Variants in KDM4C observed in about 807,000 individuals in gnomAD.
KDM4C encodes lysine-specific demethylase 4C.
Under a neutral mutation model 129.3 loss-of-function variants are expected in KDM4C, and 81 were observed. The ratio of observed to expected loss-of-function variants is 0.63; its 90% CI spans 0.52 to 0.75. The LOEUF is 0.75. Among genes scored for constraint, KDM4C ranks in the 30% least tolerant of loss-of-function variants. The pLI is 0.00. For synonymous variants in KDM4C, 573 were observed against 456.1 expected, an observed-to-expected ratio of 1.26 and a Z score of -3.26; for missense variants, 1,457 against 1,304.0, an observed-to-expected ratio of 1.12 and a Z score of -1.81.
intron 4 of KDM4C, among the ~76,000 whole-genome samples, chr9:6,842,155 A>C (rs1837050113): frequency 6.6e-6 from 1 of 152,196 alleles, no homozygotes; most frequent in Non-Finnish European, 1.5e-5. Flanking sequence ...ATTTTAAAGC[A>C]GTAAGCTCAC....
intron 5 of KDM4C, among the ~76,000 whole-genome samples, chr9:6,876,659 C>T (rs911107661): frequency 3.7e-4 from 57 of 152,162 alleles, no homozygotes; most frequent in African/African-American, 1.3e-3. Context: ...AAAGTAGTGC[C>T]GTGGTGTAGG....
At chr9:6,978,006 A>T (rs943835547) in intron 8 of KDM4C, among the ~76,000 whole-genome samples, 1 of 152,202 alleles carries the variant, frequency 6.6e-6, no homozygotes, top group Non-Finnish European at 1.5e-5. Context: ...CAGGTTACCA[A>T]AAAGCAATTT....
chr9:6,834,456 A>G (rs1835483262), intron 4 of KDM4C: 4 of 508,472 alleles, frequency 7.9e-6, no homozygotes, highest in African/African-American at 3.8e-5. Context: ...CCAGCTCACC[A>G]TAGATGATGA....
Position 7,103,751 on chromosome 9 carries a change from C to G in KDM4C, c.2491C>G (p.Arg831Gly), listed in dbSNP as rs199870188. The change falls in exon 18 of 22, where the codon CGC (arginine) becomes GGC (glycine). Residue 831 changes from arginine (R) to glycine (G), a missense_variant. Transcript: ENST00000381309. ...AGCCTGCATCCAGTGTTCCTACGGT[C>G]GCTGCCCGGCCTCCTTCCATGTCAC... ...SGACIQCSYGRCPASFHVTCA... is the reference protein window; with the variant it reads ...SGACIQCSYGGCPASFHVTCA... 2 of 1,613,840 alleles carry G rather than the reference C, an allele frequency of 1.2e-6. No individual in the cohort carries two copies. The highest frequency in any genetic ancestry group is 1.3e-5 in the African/African-American group (1 of 74,876).
At chr9:7,036,807 T>C (rs1827729586) in intron 15 of KDM4C, among the ~76,000 whole-genome samples, 4 of 152,182 alleles carry the variant, frequency 2.6e-5, no homozygotes, top group Admixed American at 2.6e-4. Context: ...GCAGGATCTT[T>C]GTCATTCACT....
At chr9:6,828,952 G>A (rs977968697) in intron 4 of KDM4C, among the ~76,000 whole-genome samples, 1 of 152,200 alleles carries the variant, frequency 6.6e-6, no homozygotes, top group African/African-American at 2.4e-5. Flanking sequence ...CCTCTCAACT[G>A]TTAAACTTCA....
chr9:7,143,030 T>C (rs1209360839), intron 19 of KDM4C, among the ~76,000 whole-genome samples: 1 of 152,230 alleles, frequency 6.6e-6, no homozygotes, highest in Non-Finnish European at 1.5e-5. Context: ...TTTATCTTCC[T>C]CTACCTCCTT....
intron 8 of KDM4C, among the ~76,000 whole-genome samples, chr9:6,980,002 A>C (rs1214588777): frequency 6.6e-6 from 1 of 152,180 alleles, no homozygotes; most frequent in Non-Finnish European, 1.5e-5. Context: ...GGATATATTA[A>C]GACTTTGGAG....
chr9:6,893,318 A>G (rs2130899284), intron 8 of KDM4C, 86 bp downstream of exon 8: 1 of 1,099,414 alleles, frequency 9.1e-7, no homozygotes, highest in Non-Finnish European at 1.3e-6. Context: ...TGCAGCATTT[A>G]TTTATTCTTC....
intron 1 of KDM4C, among the ~76,000 whole-genome samples, chr9:6,725,749 GC>G (rs1563910704): frequency 7.5e-6 from 1 of 133,844 alleles, no homozygotes; most frequent in East Asian, 2.1e-4. Flanking sequence ...TGGATCTGTT[GC>G]CCAGGCTGGA....
chr9:6,844,261 T>A (rs1427649103), intron 4 of KDM4C, among the ~76,000 whole-genome samples: 1 of 151,660 alleles, frequency 6.6e-6, no homozygotes, highest in African/African-American at 2.4e-5. Context: ...TCTTTTGTTT[T>A]AAGTTTTTCT....
Position 6,890,163 on chromosome 9 carries a change from G to A in KDM4C, c.783+2100G>A, listed in dbSNP as rs973526563. Among the ~76,000 whole-genome samples the A allele has an allele frequency of 4.6e-5, 7 of 152,238 alleles. No individual in the cohort carries two copies. The East Asian group carries it at 1.2e-3, about 25-fold the overall frequency. Reference sequence around the variant, plus strand: ...ACCACATTTACCTGGTGATGATAGCGTAACATATGATAGGGCAGCACAATG... The same window carrying A: ...ACCACATTTACCTGGTGATGATAGCATAACATATGATAGGGCAGCACAATG... On this transcript the variant is annotated intron_variant, in intron 7 of 21. Transcript: ENST00000381309.
At chr9:6,916,340 C>A (rs984800204) in intron 8 of KDM4C, among the ~76,000 whole-genome samples, 4 of 151,010 alleles carry the variant, frequency 2.6e-5, no homozygotes, top group African/African-American at 9.8e-5. Context: ...AATGTGTTTG[C>A]AATTTTAATG....
intron 8 of KDM4C, among the ~76,000 whole-genome samples, chr9:6,916,063 A>C (rs1361956845): frequency 6.6e-6 from 1 of 152,108 alleles, no homozygotes; most frequent in South Asian, 2.1e-4. Context: ...TGAAGATTGG[A>C]TGGTGTTTTG....
intron 8 of KDM4C, among the ~76,000 whole-genome samples, chr9:6,976,189 T>A (rs1488252246): frequency 2.6e-5 from 4 of 152,234 alleles, no homozygotes; most frequent in Non-Finnish European, 5.9e-5. Context: ...AATTAATGAT[T>A]TTGGCCCTGT....
At chr9:6,977,695 C>T (rs368101016) in intron 8 of KDM4C, among the ~76,000 whole-genome samples, 1 of 152,026 alleles carries the variant, frequency 6.6e-6, no homozygotes, top group African/African-American at 2.4e-5. Context: ...CAGTTGTTTG[C>T]TCTAGATGTG....
chr9:6,801,684 C>A (rs189085609), intron 2 of KDM4C, among the ~76,000 whole-genome samples: 1 of 152,120 alleles, frequency 6.6e-6, no homozygotes, highest in East Asian at 1.9e-4. Context: ...TATACACATA[C>A]ACATCGAAGA....
chr9:6,859,992 G>A (rs116448466), intron 5 of KDM4C, among the ~76,000 whole-genome samples: 1,679 of 152,218 alleles, frequency 0.011, 27 homozygotes, highest in African/African-American at 0.038. Flanking sequence ...GAAAAGAAAA[G>A]AGTAAAGATG....
At position 7,023,121 on chromosome 9, in the gene KDM4C, C is replaced by G. The variant is rs534960313; in HGVS notation, c.2259+7192C>G. ...GCTGTGGTTTTCTTTTTGATGTTTC[C>G]TTTGATTTTGGTATCAGGGTAATAC... On this transcript the variant is annotated intron_variant, in intron 15 of 21. Coordinates refer to ENST00000381309, the MANE Select transcript of KDM4C (RefSeq NM_015061.6). Among the ~76,000 whole-genome samples, 23 of 151,992 alleles carry G rather than the reference C, an allele frequency of 1.5e-4. No individual in the cohort carries two copies. In the East Asian group the frequency reaches 4.3e-3, roughly 28 times the overall value.
Sources: gnomAD v4.1 joint callset for allele counts (sites outside exome capture counted in the v4.1 genomes callset) on GRCh38, gnomAD v4.1.1 for gene constraint, MANE v1.5 for transcripts, NCBI Gene and HGNC (gene_info 2026-07-23, HGNC 2026-07-21) for gene names.